DNAAF9: variants seen among roughly 807,000 people sequenced by gnomAD.
The protein encoded by DNAAF9 is shulin.
In DNAAF9, 90 loss-of-function variants were observed where a neutral mutation model predicts 167.0. The observed-to-expected ratio is 0.54, with a 90% CI of 0.45 to 0.64. The LOEUF (loss-of-function observed/expected upper bound fraction) is 0.64, where lower values mean the gene tolerates loss of function less well. Among genes scored for constraint, DNAAF9 ranks in the 30% least tolerant of loss-of-function variants. The pLI, the probability that DNAAF9 is intolerant of heterozygous loss-of-function variation, is 0.00. For synonymous variants in DNAAF9, 491 were observed against 508.8 expected, an observed-to-expected ratio of 0.96 and a Z score of 0.47; for missense variants, 1,315 against 1,442.2, an observed-to-expected ratio of 0.91 and a Z score of 1.43.
intron 30 of DNAAF9, among the ~76,000 whole-genome samples, chr20:3,270,054 C>T (rs1464722749): frequency 6.6e-6 from 1 of 150,788 alleles, no homozygotes; most frequent in Admixed American, 6.6e-5. Flanking sequence ...CCAGGCTGGT[C>T]TCAAACTCCT....
chr20:3,385,530 A>T (rs144310609), intron 1 of DNAAF9, among the ~76,000 whole-genome samples: 1 of 152,160 alleles, frequency 6.6e-6, no homozygotes, highest in Non-Finnish European at 1.5e-5. Context: ...GGCTCAAGCG[A>T]TCCTCCTACC....
rs575321771 is a variant in DNAAF9 at position 3,252,025 on chromosome 20, G to A, written c.*547C>T. 1 of 153,830 alleles carries A rather than the reference G, an allele frequency of 6.5e-6. No homozygotes were observed. The highest frequency in any genetic ancestry group is 2.0e-4 in the South Asian group (1 of 4,888). 9.5% of individuals were successfully genotyped at this position (153,830 alleles called of 1,614,324 possible). ...GGCTCTGTGGACTGGGCCTGGGCAA[G>A]GCTGTGCTGCTCCTCCCAGGACTGG... On this transcript the variant is annotated 3_prime_UTR_variant, in exon 37 of 37. Transcript: ENST00000252032.
intron 12 of DNAAF9, among the ~76,000 whole-genome samples, chr20:3,328,763 T>A (rs1290045856): frequency 6.6e-5 from 10 of 151,630 alleles, no homozygotes; most frequent in Admixed American, 6.6e-4. Flanking sequence ...ACAAAAGAAC[T>A]ACATACACAC....
chr20:3,357,762 A>G (rs1481591565), intron 7 of DNAAF9, among the ~76,000 whole-genome samples: 5 of 151,898 alleles, frequency 3.3e-5, no homozygotes, highest in Non-Finnish European at 7.4e-5. Flanking sequence ...GCAATGGTAC[A>G]ATCTCGGCTC....
chr20:3,385,427 T>G (rs1468936299), intron 1 of DNAAF9, among the ~76,000 whole-genome samples: 1 of 152,136 alleles, frequency 6.6e-6, no homozygotes, highest in Non-Finnish European at 1.5e-5. Context: ...AATTGTAATT[T>G]TTTTTTTAGA....
chr20:3,355,081 G>C lies in DNAAF9; in HGVS notation c.690+4435C>G, dbSNP rs1470678011. The stretch of plus-strand genomic sequence containing the variant: ...GACCTGCAGTATCCTCAGTTGAGGA[G>C]ACTGCATGCAGATACTACTAAATTA... On this transcript the variant is annotated intron_variant, in intron 7 of 36. Coordinates refer to ENST00000252032, the MANE Select transcript of DNAAF9 (RefSeq NM_001009984.3). Among the ~76,000 whole-genome samples, 3 of 152,174 alleles carry C rather than the reference G, an allele frequency of 2.0e-5. No individual in the cohort carries two copies. In the East Asian group the frequency reaches 5.8e-4, roughly 29 times the overall value.
rs1445114772 is a variant in DNAAF9 at position 3,252,162 on chromosome 20, T to C, written c.*410A>G. 1 of 161,332 alleles carries C rather than the reference T, an allele frequency of 6.2e-6. No individual in the cohort carries two copies. The highest frequency in any genetic ancestry group is 1.4e-5 in the Non-Finnish European group (1 of 74,002). The allele number at this position is 161,332 out of a possible 1,614,324, so 10.0% of individuals were successfully genotyped here. A position where few individuals can be genotyped will look rare whatever the true frequency, so the allele number is the denominator to read the frequency against. On this transcript the variant is annotated 3_prime_UTR_variant, in exon 37 of 37. Coordinates refer to ENST00000252032, the MANE Select transcript of DNAAF9 (RefSeq NM_001009984.3). The stretch of plus-strand genomic sequence containing the variant: ...AGCAGCATCTGAGGCTTGAGGCCTG[T>C]CGTGGCCTCGCCTCCCAGACACGGC...
chr20:3,333,684 A>AT (rs922063960), intron 10 of DNAAF9, among the ~76,000 whole-genome samples: 1 of 129,332 alleles, frequency 7.7e-6, no homozygotes, highest in African/African-American at 2.7e-5. Context: ...CCCTTATTAA[A>AT]GGTTTTTTTT....
chr20:3,382,449 C>A lies in DNAAF9; in HGVS notation c.141G>T (p.Pro47=), dbSNP rs1164114948. 2 of 1,613,766 alleles carry A rather than the reference C, an allele frequency of 1.2e-6. No homozygotes were observed. The highest frequency in any genetic ancestry group is 1.1e-5 in the South Asian group (1 of 91,074). ...SILTQSSKSR[P]DGILCILGID... ...GACCTAGGATGCAGAGGATCCCATC[C>A]GGCCGAGACTTGCTGCTCTGGGTCA... is the stretch of plus-strand genomic sequence containing the variant. The change falls in exon 2 of 37, where the codon CCG becomes CCT. Residue 47 remains proline (P), a synonymous_variant. Coordinates refer to ENST00000252032, the MANE Select transcript of DNAAF9 (RefSeq NM_001009984.3).
intron 8 of DNAAF9, among the ~76,000 whole-genome samples, chr20:3,344,586 C>G (rs2070154339): frequency 1.1e-5 from 1 of 89,500 alleles, no homozygotes; most frequent in African/African-American, 5.0e-5. Context: ...AAAATACACA[C>G]ACATACACAC....
chr20:3,282,548 T>A (rs950378293), intron 27 of DNAAF9, among the ~76,000 whole-genome samples: 3 of 152,176 alleles, frequency 2.0e-5, no homozygotes, highest in African/African-American at 7.2e-5. Context: ...TCAGATCATG[T>A]CATTTCTCTG....
chr20:3,255,472 G>A (rs2068262716), intron 34 of DNAAF9, among the ~76,000 whole-genome samples, 188 bp from the exon 35 acceptor site: 1 of 152,120 alleles, frequency 6.6e-6, no homozygotes. Flanking sequence ...ACAGAGCCCT[G>A]TGAGCCAGCA....
intron 33 of DNAAF9, among the ~76,000 whole-genome samples, chr20:3,257,247 A>G (rs1452285469): frequency 6.6e-6 from 1 of 151,922 alleles, no homozygotes; most frequent in Non-Finnish European, 1.5e-5. Flanking sequence ...TGTGGTGGCT[A>G]ATACCTTAAT....
At chr20:3,324,682 C>T (rs1555792160) in intron 14 of DNAAF9, among the ~76,000 whole-genome samples, 11 of 152,178 alleles carry the variant, frequency 7.2e-5, no homozygotes, top group Non-Finnish European at 7.3e-5. Context: ...AACCTCAGAA[C>T]ATGTGTGTGA....
chr20:3,375,091 A>G lies in DNAAF9; in HGVS notation c.444T>C (p.Ile148=). The part of the protein sequence containing the change: ...EDEEAAEEFK[I]TSFVDMVRDC... ...CTCGAACCATGTCCACAAAGCTGGT[A>G]ATTTTAAATTCTTCTGCGGCTTCTT... Residue 148 remains isoleucine (I), a synonymous_variant, in exon 5 of 37, where the codon ATT becomes ATC. Transcript: ENST00000252032. 2 of 1,612,098 alleles carry G rather than the reference A, an allele frequency of 1.2e-6. No homozygotes were observed. The highest frequency in any genetic ancestry group is 2.2e-5 in the South Asian group (2 of 91,026).
intron 1 of DNAAF9, among the ~76,000 whole-genome samples, chr20:3,406,093 T>C (rs936817563): frequency 2.0e-5 from 3 of 152,224 alleles, no homozygotes; most frequent in African/African-American, 7.2e-5. Context: ...TTCATTGGTA[T>C]CTACCCCCCA....
At chr20:3,402,847 A>C (rs1221987833) in intron 1 of DNAAF9, among the ~76,000 whole-genome samples, 1 of 152,152 alleles carries the variant, frequency 6.6e-6, no homozygotes, top group Non-Finnish European at 1.5e-5. Context: ...GCCAAGATCA[A>C]CTTTTTTAGA....
chr20:3,338,033 T>C (rs1208609595), intron 10 of DNAAF9, among the ~76,000 whole-genome samples: 2 of 148,036 alleles, frequency 1.4e-5, no homozygotes, highest in Non-Finnish European at 3.0e-5. Context: ...TTATATATAA[T>C]TAAAATATAT....
At chr20:3,405,093 C>A (rs1445203518) in intron 1 of DNAAF9, among the ~76,000 whole-genome samples, 3 of 152,168 alleles carry the variant, frequency 2.0e-5, no homozygotes, top group African/African-American at 7.2e-5. Flanking sequence ...TGACCAAAAG[C>A]AACTCTTAAG....
Sources: gnomAD v4.1 joint callset for allele counts (sites outside exome capture counted in the v4.1 genomes callset) on GRCh38, gnomAD v4.1.1 for gene constraint, MANE v1.5 for transcripts, NCBI Gene and HGNC (gene_info 2026-07-23, HGNC 2026-07-21) for gene names.